The following UBASH3A variants were observed in gnomAD, a reference collection of about 807,000 sequenced individuals.
UBASH3A encodes ubiquitin-associated and SH3 domain-containing protein A.
A neutral mutation model predicts 73.5 loss-of-function variants in UBASH3A; 63 were observed. The ratio of observed to expected loss-of-function variants is 0.86; its 90% confidence interval spans 0.70 to 1.06. The LOEUF is 1.06. UBASH3A is among the 50% of genes least tolerant of loss of function. The probability of loss-of-function intolerance (pLI) is 0.00; values close to 1 mark genes in which losing one functional copy is unlikely to be tolerated. For missense variants in UBASH3A, 860 were observed against 859.0 expected, an observed-to-expected ratio of 1.00 and a Z score of -0.02; for synonymous variants, 363 against 351.1, an observed-to-expected ratio of 1.03 and a Z score of -0.38.
chr21:42,443,118 A>G (rs908422888), intron 12 of UBASH3A, 194 bp from the exon 13 acceptor site: 48 of 1,378,328 alleles, frequency 3.5e-5, no homozygotes, highest in Admixed American at 9.7e-5. Context: ...TTGAGTAAGA[A>G]TGTGTGCTGG....
intron 3 of UBASH3A, among the ~76,000 whole-genome samples, chr21:42,412,567 G>C (rs1221532331): frequency 6.6e-6 from 1 of 152,228 alleles, no homozygotes; most frequent in East Asian, 1.9e-4. Flanking sequence ...GTGGAAGAGA[G>C]GGTGGCCCCG....
intron 13 of UBASH3A, among the ~76,000 whole-genome samples, 187 bp from the exon 14 acceptor site, chr21:42,444,347 C>A (rs930172600): frequency 6.6e-6 from 1 of 152,206 alleles, no homozygotes; most frequent in African/African-American, 2.4e-5. Flanking sequence ...GCAGAGGAAT[C>A]CATGAGCGAG....
chr21:42,444,680 C>G (rs757679977), intron 14 of UBASH3A, 37 bp downstream of exon 14: 10 of 1,477,270 alleles, frequency 6.8e-6, no homozygotes, highest in Admixed American at 1.7e-5. Flanking sequence ...GCCACAAAAT[C>G]AAGCATCCCG....
intron 14 of UBASH3A, 148 bp downstream of exon 14, chr21:42,444,791 G>T (rs2053818687): frequency 4.5e-6 from 3 of 673,078 alleles, no homozygotes; most frequent in African/African-American, 3.6e-5. Flanking sequence ...GTGCCCACCG[G>T]CTCTTATGCG....
At chr21:42,419,096 G>A (rs2146530425) in intron 7 of UBASH3A, among the ~76,000 whole-genome samples, 1 of 152,308 alleles carries the variant, frequency 6.6e-6, no homozygotes, top group East Asian at 1.9e-4. Context: ...TCTCAAGGCT[G>A]TAATCAAGGT....
intron 14 of UBASH3A, among the ~76,000 whole-genome samples, chr21:42,446,632 T>A (rs956012789): frequency 1.3e-5 from 2 of 152,246 alleles, no homozygotes. Flanking sequence ...TGCTTTTCTT[T>A]TGGGTCTGAA....
intron 5 of UBASH3A, among the ~76,000 whole-genome samples, chr21:42,414,313 G>A (rs945462393): frequency 2.6e-5 from 4 of 152,162 alleles, no homozygotes; most frequent in East Asian, 1.9e-4. Context: ...TCTGGAGATC[G>A]AATCTGCTGA....
intron 7 of UBASH3A, 111 bp downstream of exon 7, chr21:42,418,720 AT>A (rs1379009068): frequency 9.7e-7 from 1 of 1,028,816 alleles, no homozygotes; most frequent in East Asian, 2.6e-5. Context: ...GTAAAATTGC[AT>A]TCTGTATGCT....
intron 13 of UBASH3A, 82 bp downstream of exon 13, chr21:42,443,500 G>T: frequency 1.6e-6 from 2 of 1,244,112 alleles, no homozygotes; most frequent in Non-Finnish European, 2.2e-6. Flanking sequence ...CCAATTTTCT[G>T]AACCTATGAA....
Position 42,434,897 on chromosome 21 carries a change from G to C in UBASH3A, c.1336G>C (p.Asp446His). 5.6e-6 allele frequency: 9 copies of C among 1,614,200 alleles called. No homozygotes were observed. The highest frequency in any genetic ancestry group is 7.6e-6 in the Non-Finnish European group (9 of 1,180,024). The change falls in exon 10 of 15, where the codon GAC becomes CAC. Residue 446 changes from aspartate to histidine, a missense_variant. Asp to His is a moderately conservative substitution (Grantham distance 81). Coordinates refer to ENST00000319294, the MANE Select transcript of UBASH3A (RefSeq NM_018961.4). ...GCCAAGACGGAGTCGTGGGATCAAA[G>C]ACTTTGAAAACGATCCCCCATTATC... ...SLPRRSRGIK[D>H]FENDPPLSSC...
At chr21:42,437,403 C>A (rs992078441) in intron 10 of UBASH3A, 85 bp from the exon 11 acceptor site, 6 of 1,282,992 alleles carry the variant, frequency 4.7e-6, no homozygotes, top group Admixed American at 3.5e-5. Context: ...GAGGACCCTG[C>A]CTACCACAGG....
rs1601568427 is a variant in UBASH3A at position 42,416,541 on chromosome 21, T to C, written c.767T>C (p.Ile256Thr). Residue 256 changes from isoleucine (I) to threonine (T), a missense_variant, in exon 6 of 15, where the codon ATC becomes ACC. By Grantham distance (89) the Ile-to-Thr change is moderately conservative. Coordinates refer to ENST00000319294, the MANE Select transcript of UBASH3A (RefSeq NM_018961.4). ...ACGCTGGAGCAGCTGGCCAGAGCCA[T>C]CCCCCTGGGCCACAGCTGCCAGTGG... The part of the protein sequence containing the change: ...QRTLEQLARA[I>T]PLGHSCQWTA... 1 of 1,609,890 alleles carries C rather than the reference T, an allele frequency of 6.2e-7. No individual in the cohort carries two copies. The highest frequency in any genetic ancestry group is 8.5e-7 in the Non-Finnish European group (1 of 1,178,338).
chr21:42,413,574 G>A lies in UBASH3A; in HGVS notation c.667+51G>A, dbSNP rs535924825. The A allele has an allele frequency of 7.5e-7, 1 of 1,333,542 alleles. No homozygotes were observed. Among genetic ancestry groups the A allele is most frequent in the South Asian group, 1.2e-5 (1 of 81,402 alleles). The allele number at this position is 1,333,542 out of a possible 1,614,324, so 82.6% of individuals were successfully genotyped here. The stretch of plus-strand genomic sequence containing the variant: ...CAGCTTTGGTCTTCTCTTTAGGCGG[G>A]AATAGCCTTGTTCTCATTATGTGGT... On this transcript the variant is annotated intron_variant, in intron 5 of 14. Transcript: ENST00000319294. The surrounding 1 kb of genome is among the most constrained non-coding windows in gnomAD (Gnocchi z 4.5).
chr21:42,441,067 G>A (rs2053732036), intron 11 of UBASH3A, among the ~76,000 whole-genome samples: 1 of 152,150 alleles, frequency 6.6e-6, no homozygotes, highest in Admixed American at 6.5e-5. Context: ...GATGATGATG[G>A]TGATGATGAT....
rs1029209785 is a variant in UBASH3A at position 42,442,311 on chromosome 21, T to A, written c.1487-141T>A. ...AGCTATGCCTAATCACAGAACGGTA[T>A]TTGCCAAGAAGAAAATCACACTGTT... On this transcript the variant is annotated intron_variant, in intron 11 of 14. Coordinates refer to ENST00000319294, the MANE Select transcript of UBASH3A (RefSeq NM_018961.4). The A allele has an allele frequency of 1.0e-5, 9 of 902,806 alleles. No individual in the cohort carries two copies. In the Admixed American group the frequency reaches 2.0e-4, roughly 20 times the overall value. The allele number at this position is 902,806 out of a possible 1,614,324, so 55.9% of individuals were successfully genotyped here.
chr21:42,407,155 G>A (rs1032677903), intron 2 of UBASH3A, among the ~76,000 whole-genome samples: 1 of 152,142 alleles, frequency 6.6e-6, no homozygotes, highest in Non-Finnish European at 1.5e-5. Context: ...GGGATGGAGA[G>A]GAGGGCCACC....
At chr21:42,428,685 AC>A (rs1178491067) in intron 8 of UBASH3A, among the ~76,000 whole-genome samples, 1 of 151,932 alleles carries the variant, frequency 6.6e-6, no homozygotes, top group Non-Finnish European at 1.5e-5. Flanking sequence ...ATACCTGGGT[AC>A]TGTGGAGAAG....
At chr21:42,420,901 T>C (rs1344154919) in intron 7 of UBASH3A, among the ~76,000 whole-genome samples, 2 of 152,246 alleles carry the variant, frequency 1.3e-5, no homozygotes, top group East Asian at 3.8e-4. Flanking sequence ...GCACCTAGAC[T>C]AGCATTTGAT....
At position 42,404,066 on chromosome 21, in the gene UBASH3A, C is replaced by T; in HGVS notation, c.113+8C>T. The T allele has an allele frequency of 6.8e-7, 1 of 1,469,204 alleles. No individual in the cohort carries two copies. Among genetic ancestry groups the T allele is most frequent in the Non-Finnish European group, 9.1e-7 (1 of 1,097,074 alleles). The allele number at this position is 1,469,204 out of a possible 1,614,324, so 91.0% of individuals were successfully genotyped here. A position where few individuals can be genotyped will look rare whatever the true frequency, so the allele number is the denominator to read the frequency against. On this transcript the variant is annotated splice_region_variant and intron_variant, in intron 1 of 14. Transcript: ENST00000319294. Reference sequence around the variant, plus strand: ...CTTCCCGGTGCACACCGCGTGAGTACTGCCCAGAGACCCCGGGGCCCAGCC... The same window carrying T: ...CTTCCCGGTGCACACCGCGTGAGTATTGCCCAGAGACCCCGGGGCCCAGCC...
Sources: allele counts gnomAD v4.1 joint callset (sites outside exome capture counted in the v4.1 genomes callset), GRCh38; gene constraint gnomAD v4.1.1; non-coding constraint Gnocchi (gnomAD v3.1); transcripts MANE v1.5; gene names NCBI Gene and HGNC (gene_info 2026-07-23, HGNC 2026-07-21).